The following PCDHA3 variants were observed in gnomAD, a reference collection of about 807,000 sequenced individuals.
The protein encoded by PCDHA3 is protocadherin alpha-3.
A neutral mutation model predicts 62.2 loss-of-function variants in PCDHA3; 41 were observed. That is an observed-to-expected ratio of 0.66 (90% CI 0.51 to 0.86). PCDHA3 has a LOEUF of 0.86. PCDHA3 is among the 40% of genes least tolerant of loss of function. The pLI is 0.00. For missense variants in PCDHA3, 1,304 were observed against 1,241.2 expected (o/e 1.05, Z -0.76); for synonymous variants, 640 against 555.4 (o/e 1.15, Z -2.14).
intron 1 of PCDHA3, chr5:140,883,300 T>C (rs782541976): frequency 6.2e-7 from 1 of 1,613,974 alleles, no homozygotes; most frequent in African/African-American, 1.3e-5. Flanking sequence ...TAGATGTAAA[T>C]GATAACGCCC....
At position 140,853,027 on chromosome 5, in the gene PCDHA3, T is replaced by C. The variant is rs2150527386; in HGVS notation, c.2394+49436T>C. The C allele has an allele frequency of 3.8e-4, 97 of 255,546 alleles. 3 individuals are homozygous for C. Among genetic ancestry groups the C allele is most frequent in the Non-Finnish European group, 5.7e-4 (88 of 155,318 alleles). 15.8% of individuals were successfully genotyped at this position (255,546 alleles called of 1,614,324 possible). Reference sequence around the variant, plus strand: ...CCGAGTAGCTGGGACTACAGGCGCCTGCCACCATGCCCGCCTAATTTTTTT... The same window carrying C: ...CCGAGTAGCTGGGACTACAGGCGCCCGCCACCATGCCCGCCTAATTTTTTT... On this transcript the variant is annotated intron_variant, in intron 1 of 3. Coordinates refer to ENST00000522353, the MANE Select transcript of PCDHA3 (RefSeq NM_018906.3).
At chr5:140,829,255 G>C (rs2150164788) in intron 1 of PCDHA3, 10 of 1,614,172 alleles carry the variant, frequency 6.2e-6, no homozygotes, top group South Asian at 4.4e-5. Context: ...TGAACTGCTC[G>C]CTGACGCCTC....
In PCDHA3 at chr5:140,949,013, T is replaced by C. The variant is rs541040709; in HGVS notation, c.2395-29936T>C. Among the ~76,000 whole-genome samples, 141 of 151,862 alleles carry C rather than the reference T, an allele frequency of 9.3e-4. No homozygotes were observed. In the Middle Eastern group the frequency reaches 0.01, roughly 11 times the overall value. On this transcript the variant is annotated intron_variant, in intron 1 of 3. Transcript: ENST00000522353. ...GCATTTTACTAATTTTTATATGTGATGTTTTTATTTTTATTCATTTAAAAG... is the reference window on the plus strand; with the variant it reads ...GCATTTTACTAATTTTTATATGTGACGTTTTTATTTTTATTCATTTAAAAG...
At chr5:141,001,872 CAAG>C (rs1329160545) in intron 3 of PCDHA3, among the ~76,000 whole-genome samples, 1 of 152,126 alleles carries the variant, frequency 6.6e-6, no homozygotes, top group African/African-American at 2.4e-5. Flanking sequence ...TGCCCAAAAC[CAAG>C]AAGGAGCAAA....
chr5:140,870,198 C>G, intron 1 of PCDHA3: 1 of 1,614,172 alleles, frequency 6.2e-7, no homozygotes, highest in Non-Finnish European at 8.5e-7. Context: ...CTCAGCCCAG[C>G]ACGGTCATTG....
rs1280903830 is a variant in PCDHA3, at chr5:140,927,541, G to T, written c.2395-51408G>T. 4 of 1,613,996 alleles carry T rather than the reference G, an allele frequency of 2.5e-6. No homozygotes were observed. The East Asian group carries it at 6.7e-5, about 27-fold the overall frequency. On this transcript the variant is annotated intron_variant, in intron 1 of 3. Coordinates refer to ENST00000522353, the MANE Select transcript of PCDHA3 (RefSeq NM_018906.3). ...CGGGCTACCTGCCCGCTCAGGAGAC[G>T]CACAAGTCACCATCATTGTGGTGGA...
At chr5:140,951,082 C>G (rs1563248212) in intron 1 of PCDHA3, among the ~76,000 whole-genome samples, 1 of 151,404 alleles carries the variant, frequency 6.6e-6, no homozygotes, top group African/African-American at 2.4e-5. Context: ...TTATATTTTC[C>G]TTTTTTTCTG....
chr5:140,996,918 A>T lies in PCDHA3; in HGVS notation c.2543-12709A>T, dbSNP rs10036183. On this transcript the variant is annotated intron_variant, in intron 3 of 3. Transcript: ENST00000522353. ...GAATTACATTGTTGAAGTAAATATT[A>T]AAAAATATAGCATTTTTGCATAGAA... Among the ~76,000 whole-genome samples, 492 of 152,328 alleles carry T rather than the reference A, an allele frequency of 3.2e-3. 4 individuals are homozygous for T. Among genetic ancestry groups the T allele is most frequent in the African/African-American group, 0.011 (464 of 41,562 alleles).
intron 1 of PCDHA3, chr5:140,870,758 T>C: frequency 1.2e-6 from 2 of 1,613,530 alleles, no homozygotes; most frequent in African/African-American, 2.7e-5. Flanking sequence ...ACGCTGCAGG[T>C]GTTCGTGCTG....
chr5:140,883,707 A>C, intron 1 of PCDHA3: 1 of 1,613,636 alleles, frequency 6.2e-7, no homozygotes. Context: ...GTGTCTGCTC[A>C]GGACGCGGAC....
chr5:140,833,390 T>G (rs1349279965), intron 1 of PCDHA3, among the ~76,000 whole-genome samples: 2 of 152,166 alleles, frequency 1.3e-5, no homozygotes, highest in Non-Finnish European at 2.9e-5. Context: ...ATGAAATACC[T>G]CAAGACTTGA....
At chr5:140,833,869 A>G (rs1554133991) in intron 1 of PCDHA3, among the ~76,000 whole-genome samples, 4 of 152,220 alleles carry the variant, frequency 2.6e-5, no homozygotes, top group Non-Finnish European at 5.9e-5. Flanking sequence ...AATCAAGAAT[A>G]TGAAGTTTCC....
chr5:140,893,432 C>T (rs1280374649), intron 1 of PCDHA3, among the ~76,000 whole-genome samples: 5 of 151,946 alleles, frequency 3.3e-5, no homozygotes, highest in Non-Finnish European at 7.4e-5. Flanking sequence ...GCAGGAAGAT[C>T]GCTTGAAGCC....
intron 1 of PCDHA3, among the ~76,000 whole-genome samples, chr5:140,946,310 A>G (rs562859671): frequency 2.6e-5 from 4 of 152,074 alleles, no homozygotes; most frequent in African/African-American, 4.8e-5. Context: ...TAGAATGGCT[A>G]TTATTGAAAG....
chr5:140,853,105 T>G, intron 1 of PCDHA3: 1 of 397,242 alleles, frequency 2.5e-6, no homozygotes, highest in African/African-American at 2.2e-5. Context: ...GGTCTCGATC[T>G]CCTGACCTCA....
intron 1 of PCDHA3, chr5:140,883,404 C>A: frequency 6.2e-7 from 1 of 1,614,222 alleles, no homozygotes; most frequent in Non-Finnish European, 8.5e-7. Context: ...GATCGTGACT[C>A]TGGCTCAAAT....
chr5:140,851,270 A>G lies in PCDHA3; in HGVS notation c.2394+47679A>G. On this transcript the variant is annotated intron_variant, in intron 1 of 3. Transcript: ENST00000522353. ...ATGCATAGTATTTTAGTCTACTTGTATTGTTTATAAGAAACCCAAGCAAAA... is the reference window on the plus strand; with the variant it reads ...ATGCATAGTATTTTAGTCTACTTGTGTTGTTTATAAGAAACCCAAGCAAAA... The G allele has an allele frequency of 9.4e-6, 10 of 1,065,088 alleles. 1 individual carries two copies. Among genetic ancestry groups the G allele is most frequent in the Non-Finnish European group, 1.1e-5 (9 of 851,818 alleles). 66.0% of individuals were successfully genotyped at this position (1,065,088 alleles called of 1,614,324 possible).
At chr5:140,925,141 A>G (rs1287522151) in intron 1 of PCDHA3, among the ~76,000 whole-genome samples, 1 of 151,690 alleles carries the variant, frequency 6.6e-6, no homozygotes, top group Non-Finnish European at 1.5e-5. Context: ...TTTCAAACAT[A>G]CACAAAAGTT....
intron 1 of PCDHA3, chr5:140,863,244 G>A (rs1292060203): frequency 7.3e-7 from 1 of 1,361,116 alleles, no homozygotes; most frequent in Non-Finnish European, 1.0e-6. Context: ...GGGCTTTGGC[G>A]GGCGTCGAGG....
Sources: allele counts gnomAD v4.1 joint callset (sites outside exome capture counted in the v4.1 genomes callset), GRCh38; gene constraint gnomAD v4.1.1; transcripts MANE v1.5; gene names NCBI Gene and HGNC (gene_info 2026-07-23, HGNC 2026-07-21).